Variants in DBX2 observed in about 807,000 individuals in gnomAD.
DBX2 encodes the protein developing brain homeobox 2, also known as homeobox protein DBX2.
In DBX2, 16 loss-of-function variants were observed where a neutral mutation model predicts 17.7. The observed-to-expected ratio is 0.90, with a 90% confidence interval of 0.61 to 1.37. The LOEUF is 1.37. DBX2 is among the 40% of genes most tolerant of loss of function. DBX2 has a pLI of 0.00. For missense variants in DBX2, 538 were observed against 433.8 expected, an observed-to-expected ratio of 1.24 and a Z score of -2.13; for synonymous variants, 255 against 183.8, an observed-to-expected ratio of 1.39 and a Z score of -3.13.
rs1316680097 is a variant in DBX2, at chr12:45,020,677, A to ATATG, written c.687+3029_687+3030insCATA. ...TATGTATGTATATGTATATATATGT[A>ATATG]TATATATATATATACACACACACAC... is the stretch of plus-strand genomic sequence containing the variant. On this transcript the variant is annotated intron_variant, in intron 3 of 3. Transcript: ENST00000332700. 6.2e-5 allele frequency among the ~76,000 whole-genome samples: 9 copies of ATATG among 146,294 alleles called. No individual in the cohort carries two copies. In the South Asian group the frequency reaches 1.3e-3, roughly 21 times the overall value.
At chr12:45,043,987 G>A (rs906767267) in intron 1 of DBX2, among the ~76,000 whole-genome samples, 10 of 152,208 alleles carry the variant, frequency 6.6e-5, no homozygotes, top group Non-Finnish European at 1.5e-5. Flanking sequence ...TGAAGACCTT[G>A]AATCTAGACT....
At position 45,016,486 on chromosome 12, in the gene DBX2, A is replaced by G; in HGVS notation, c.820T>C (p.Ser274Pro). The change falls in exon 4 of 4, where the codon TCT becomes CCT. Residue 274 changes from serine to proline, a missense_variant. By Grantham distance (74) the Ser-to-Pro change is moderately conservative. Transcript: ENST00000332700. ...PLSRSALGFP[S>P]PCPSIWDVPQ... is the part of the protein sequence containing the mutation. ...ACGTCCCATATTGAAGGACATGGAG[A>G]AGGGAAACCCAGAGCAGACCGTGAG... 6.2e-7 allele frequency: 1 copy of G among 1,613,894 alleles called. No homozygotes were observed. Among genetic ancestry groups the G allele is most frequent in the Middle Eastern group, 1.7e-4 (1 of 6,056 alleles).
chr12:45,036,717 CAT>C (rs1384319809), intron 1 of DBX2, among the ~76,000 whole-genome samples: 1 of 152,102 alleles, frequency 6.6e-6, no homozygotes, highest in East Asian at 1.9e-4. Context: ...TTCTTTGAAA[CAT>C]ATAGTTAGTT....
At chr12:45,039,321 A>ATATATATG (rs1946458727) in intron 1 of DBX2, among the ~76,000 whole-genome samples, 2 of 103,662 alleles carry the variant, frequency 1.9e-5, no homozygotes, top group African/African-American at 6.9e-5. Flanking sequence ...ATATATATAT[A>ATATATATG]TGTATCACAC....
rs550008135 is a variant in DBX2, at chr12:45,038,691, C to T, written c.404-2577G>A. ...TCAATTAAATTCCCAACCCTAGGGC[C>T]CTAAAAGTGGGAAAATAAAATATTT... On this transcript the variant is annotated intron_variant, in intron 1 of 3. Transcript: ENST00000332700. Among the ~76,000 whole-genome samples, 22 of 120,362 alleles carry T rather than the reference C, an allele frequency of 1.8e-4. 4 individuals carry two copies. The highest frequency in any genetic ancestry group is 1.0e-3 in the Admixed American group (11 of 11,012). 79.0% of individuals were successfully genotyped at this position (120,362 alleles called of 152,430 possible). A position where few individuals can be genotyped will look rare whatever the true frequency, so the allele number is the denominator to read the frequency against.
At chr12:45,034,098 TATAAA>T (rs1363868267) in intron 2 of DBX2, among the ~76,000 whole-genome samples, 13 of 147,954 alleles carry the variant, frequency 8.8e-5, no homozygotes, top group South Asian at 2.3e-4. Flanking sequence ...CAAACGTCCC[TATAAA>T]ATAAGTACAC....
At chr12:45,048,909 CA>C (rs879492269) in intron 1 of DBX2, among the ~76,000 whole-genome samples, 3 of 151,992 alleles carry the variant, frequency 2.0e-5, no homozygotes, top group Non-Finnish European at 4.4e-5. Flanking sequence ...GTAATTATTC[CA>C]AAAACAATGT....
intron 1 of DBX2, among the ~76,000 whole-genome samples, chr12:45,038,021 T>G (rs944341556): frequency 6.6e-6 from 1 of 152,114 alleles, no homozygotes; most frequent in East Asian, 1.9e-4. Context: ...TAAGTTGTTC[T>G]TATATTGACT....
chr12:45,040,282 T>G (rs1048131409), intron 1 of DBX2, among the ~76,000 whole-genome samples: 54 of 152,144 alleles, frequency 3.5e-4, no homozygotes, highest in African/African-American at 1.2e-3. Context: ...TCTTCAGTTA[T>G]GGGACTCGAA....
Position 45,016,163 on chromosome 12 carries a change from A to C in DBX2, c.*123T>G. 1 of 1,034,642 alleles carries C rather than the reference A, an allele frequency of 9.7e-7. No individual in the cohort carries two copies. Among genetic ancestry groups the C allele is most frequent in the Admixed American group, 3.0e-5 (1 of 33,088 alleles). 64.1% of individuals were successfully genotyped at this position (1,034,642 alleles called of 1,614,324 possible). The stretch of plus-strand genomic sequence containing the variant: ...ACTAGAGTGGGTTTCCTAAAGCATT[A>C]GTTCATACATCGCTCCAAAGTTGTT... On this transcript the variant is annotated 3_prime_UTR_variant, in exon 4 of 4. Coordinates refer to ENST00000332700, the MANE Select transcript of DBX2 (RefSeq NM_001004329.3).
At position 45,050,833 on chromosome 12, in the gene DBX2, C is replaced by T. The variant is rs1286208158; in HGVS notation, c.95G>A (p.Gly32Asp). Reference sequence around the variant, plus strand: ...GATCAGGAAACTCTTGCCCAGGTTGCCAAAGCCGGGCGCAGCGGGGAGGTT... The same window carrying T: ...GATCAGGAAACTCTTGCCCAGGTTGTCAAAGCCGGGCGCAGCGGGGAGGTT... ...LLNLPAAPGFGNLGKSFLIEN... is the reference protein window; with the variant it reads ...LLNLPAAPGFDNLGKSFLIEN... The change falls in exon 1 of 4, where the codon GGC (glycine) becomes GAC (aspartate). Residue 32 changes from glycine (G) to aspartate (D), a missense_variant. By Grantham distance (94) the Gly-to-Asp change is moderately conservative. Transcript: ENST00000332700. The T allele has an allele frequency of 7.1e-6, 11 of 1,539,076 alleles. No homozygotes were observed. The highest frequency in any genetic ancestry group is 8.7e-6 in the Non-Finnish European group (10 of 1,145,530).
rs955602267 is a variant in DBX2, at chr12:45,050,722, G to C, written c.206C>G (p.Ala69Gly). The C allele has an allele frequency of 6.7e-7, 1 of 1,491,326 alleles. No homozygotes were observed. Among genetic ancestry groups the C allele is most frequent in the African/African-American group, 1.5e-5 (1 of 67,916 alleles). The allele number at this position is 1,491,326 out of a possible 1,614,324, so 92.4% of individuals were successfully genotyped here. Residue 69 changes from alanine (A) to glycine (G), a missense_variant, in exon 1 of 4, where the codon GCG (alanine) becomes GGG (glycine). Physicochemically the swap from Ala to Gly is moderately conservative, Grantham distance 60 (BLOSUM62 0). Transcript: ENST00000332700. ...AGGCAGGGGCCGGAGCTGCGCGCCC[G>C]CGGTGGCCAGGGCGGTCGCCGGGTC... ...PHDPATALAT[A>G]GAQLRPLPAS...
At chr12:45,035,094 A>T (rs1206055232) in intron 2 of DBX2, among the ~76,000 whole-genome samples, 1 of 152,212 alleles carries the variant, frequency 6.6e-6, no homozygotes, top group East Asian at 1.9e-4. Context: ...ACTTGTCAGG[A>T]ATTATTCTGT....
At chr12:45,023,265 T>C (rs1946362998) in intron 3 of DBX2, among the ~76,000 whole-genome samples, 1 of 152,228 alleles carries the variant, frequency 6.6e-6, no homozygotes, top group Non-Finnish European at 1.5e-5. Flanking sequence ...GAGTCACTCA[T>C]TCATGGTTTG....
At chr12:45,018,582 T>C (rs771785858) in intron 3 of DBX2, among the ~76,000 whole-genome samples, 1 of 151,938 alleles carries the variant, frequency 6.6e-6, no homozygotes, top group Non-Finnish European at 1.5e-5. Flanking sequence ...ATGGAAAAGA[T>C]AAAAAGGAGC....
At chr12:45,037,862 G>T (rs963156896) in intron 1 of DBX2, among the ~76,000 whole-genome samples, 21 of 151,604 alleles carry the variant, frequency 1.4e-4, no homozygotes, top group African/African-American at 5.1e-4. Context: ...ATGCTTTTAG[G>T]TTTTTTTTAA....
chr12:45,039,050 A>G (rs1946455153), intron 1 of DBX2, among the ~76,000 whole-genome samples: 2 of 151,794 alleles, frequency 1.3e-5, no homozygotes, highest in South Asian at 4.1e-4. Context: ...CCTTTTTGAC[A>G]TGCATATTTA....
intron 1 of DBX2, among the ~76,000 whole-genome samples, chr12:45,038,248 A>G (rs576833851): frequency 6.6e-6 from 1 of 152,004 alleles, no homozygotes; most frequent in East Asian, 1.9e-4. Flanking sequence ...TAAACATTCT[A>G]TAAATAATAA....
chr12:45,024,100 C>T (rs1946367922), intron 2 of DBX2, among the ~76,000 whole-genome samples: 1 of 152,054 alleles, frequency 6.6e-6, no homozygotes, highest in Non-Finnish European at 1.5e-5. Flanking sequence ...AGGGAGGGAC[C>T]TCGTGGGAGG....
Sources: gnomAD v4.1 joint callset for allele counts (sites outside exome capture counted in the v4.1 genomes callset) on GRCh38, gnomAD v4.1.1 for gene constraint, MANE v1.5 for transcripts, NCBI Gene and HGNC (gene_info 2026-07-23, HGNC 2026-07-21) for gene names.